HMGCS1: variants seen among roughly 807,000 people sequenced by gnomAD.
HMGCS1 encodes the protein 3-hydroxy-3-methylglutaryl-CoA synthase 1.
In HMGCS1, 9 loss-of-function variants were observed where a neutral mutation model predicts 52.3. The observed-to-expected ratio is 0.17, with a 90% CI of 0.10 to 0.30. HMGCS1 has a LOEUF of 0.30. HMGCS1 is among the 10% of genes least tolerant of loss of function. The probability of loss-of-function intolerance (pLI) is 1.00; values close to 1 mark genes in which losing one functional copy is unlikely to be tolerated. For missense variants in HMGCS1, 320 were observed against 620.9 expected, an observed-to-expected ratio of 0.52 and a Z score of 5.15; for synonymous variants, 176 against 214.4, an observed-to-expected ratio of 0.82 and a Z score of 1.57.
At chr5:43,308,454 AT>A (rs1161260022) in intron 1 of HMGCS1, among the ~76,000 whole-genome samples, 1 of 152,154 alleles carries the variant, frequency 6.6e-6, no homozygotes, top group South Asian at 2.1e-4. Context: ...AAATAAAGGT[AT>A]TTTTTCTAGC....
chr5:43,301,407 T>C (rs1754310317), intron 2 of HMGCS1, among the ~76,000 whole-genome samples: 2 of 152,184 alleles, frequency 1.3e-5, no homozygotes, highest in South Asian at 2.1e-4. Flanking sequence ...ATGGTGATAT[T>C]AGTTGTCAGG....
chr5:43,302,354 T>G (rs1418924258), intron 2 of HMGCS1, among the ~76,000 whole-genome samples: 1 of 152,226 alleles, frequency 6.6e-6, no homozygotes, highest in Admixed American at 6.5e-5. Flanking sequence ...CAAAAACATT[T>G]AGTGCTTTCT....
intron 7 of HMGCS1, 67 bp downstream of exon 7, chr5:43,294,624 T>C: frequency 4.1e-6 from 5 of 1,212,956 alleles, no homozygotes; most frequent in Non-Finnish European, 5.8e-6. Context: ...TGACACTAGA[T>C]TTGGTCTTAG....
intron 8 of HMGCS1, 49 bp downstream of exon 8, chr5:43,294,007 G>T: frequency 8.1e-7 from 1 of 1,234,548 alleles, no homozygotes; most frequent in Non-Finnish European, 1.2e-6. Flanking sequence ...GAGCCACTGT[G>T]CCTGGACTCA....
intron 9 of HMGCS1, 21 bp downstream of exon 9, chr5:43,292,827 A>C (rs1453481133): frequency 2.5e-6 from 4 of 1,610,472 alleles, no homozygotes; most frequent in Admixed American, 1.7e-5. Context: ...GGTTAACTTA[A>C]AGAACATTTA....
intron 2 of HMGCS1, among the ~76,000 whole-genome samples, chr5:43,306,352 C>T (rs1465242462): frequency 6.6e-6 from 1 of 152,136 alleles, no homozygotes; most frequent in East Asian, 1.9e-4. Flanking sequence ...CAAGGGAAGT[C>T]CTAACCTAGC....
At chr5:43,311,349 T>C (rs914196331) in intron 1 of HMGCS1, among the ~76,000 whole-genome samples, 1 of 150,662 alleles carries the variant, frequency 6.6e-6, no homozygotes, top group Non-Finnish European at 1.5e-5. Flanking sequence ...AAAAATCTAG[T>C]CCTATCATTA....
At chr5:43,310,384 T>C (rs1436946968) in intron 1 of HMGCS1, among the ~76,000 whole-genome samples, 1 of 152,228 alleles carries the variant, frequency 6.6e-6, no homozygotes, top group African/African-American at 2.4e-5. Flanking sequence ...CAAGTCTACA[T>C]AGCCTACTCT....
At chr5:43,309,177 A>C (rs1008700883) in intron 1 of HMGCS1, among the ~76,000 whole-genome samples, 1 of 151,954 alleles carries the variant, frequency 6.6e-6, no homozygotes, top group Non-Finnish European at 1.5e-5. Context: ...ACTTGTATCA[A>C]GGAAATTTTC....
chr5:43,305,049 T>C (rs1478157055), intron 2 of HMGCS1, among the ~76,000 whole-genome samples: 1 of 151,742 alleles, frequency 6.6e-6, no homozygotes, highest in Non-Finnish European at 1.5e-5. Context: ...TGCAATGGTG[T>C]GATCTCGGCT....
intron 2 of HMGCS1, among the ~76,000 whole-genome samples, chr5:43,299,361 T>A (rs1229954977): frequency 6.6e-6 from 1 of 152,124 alleles, no homozygotes; most frequent in African/African-American, 2.4e-5. Context: ...AAAGTTTTAA[T>A]AAATTAGGCC....
chr5:43,312,424 C>G (rs1201116324), intron 1 of HMGCS1, among the ~76,000 whole-genome samples: 1 of 152,228 alleles, frequency 6.6e-6, no homozygotes, highest in Non-Finnish European at 1.5e-5. Flanking sequence ...CAAACAGGCA[C>G]AACCTCACAT....
intron 8 of HMGCS1, chr5:43,293,779 T>A (rs1179882326): frequency 3.8e-6 from 1 of 263,268 alleles, no homozygotes; most frequent in Non-Finnish European, 7.3e-6. Flanking sequence ...AGTGGTGTGA[T>A]CTTGGCTCAC....
rs1753640497 is a variant in HMGCS1 at position 43,289,515 on chromosome 5, A to C, written c.*1616T>G. 1 of 152,556 alleles carries C rather than the reference A, an allele frequency of 6.6e-6. No individual in the cohort carries two copies. Among genetic ancestry groups the C allele is most frequent in the South Asian group, 2.1e-4 (1 of 4,816 alleles). 9.5% of individuals were successfully genotyped at this position (152,556 alleles called of 1,614,324 possible). A position where few individuals can be genotyped will look rare whatever the true frequency, so the allele number is the denominator to read the frequency against. On this transcript the variant is annotated 3_prime_UTR_variant, in exon 11 of 11. Coordinates refer to ENST00000325110, the MANE Select transcript of HMGCS1 (RefSeq NM_001098272.3). ...CATTGCCGGCAATGGACTTTGAGAAAACCCATTTCCTGGCACCCAAAAGTT... is the reference window on the plus strand; with the variant it reads ...CATTGCCGGCAATGGACTTTGAGAACACCCATTTCCTGGCACCCAAAAGTT...
intron 1 of HMGCS1, among the ~76,000 whole-genome samples, chr5:43,311,060 C>T (rs1421252282): frequency 6.6e-6 from 1 of 152,192 alleles, no homozygotes; most frequent in Non-Finnish European, 1.5e-5. Flanking sequence ...CATGGTGGCT[C>T]ACGCCTGTAA....
At chr5:43,302,573 C>T (rs995626254) in intron 2 of HMGCS1, among the ~76,000 whole-genome samples, 5 of 152,146 alleles carry the variant, frequency 3.3e-5, no homozygotes, top group Non-Finnish European at 7.4e-5. Context: ...AGACAGAAGC[C>T]AATTATGATG....
Position 43,298,816 on chromosome 5 carries a change from G to A in HMGCS1, c.150C>T (p.Gly50=). The change falls in exon 3 of 11, where the codon GGC becomes GGT. Residue 50 remains glycine, a synonymous_variant. Coordinates refer to ENST00000325110, the MANE Select transcript of HMGCS1 (RefSeq NM_001098272.3). This position sits in a 1 kb window ranked among gnomAD's most constrained non-coding sequence, Gnocchi z 5.6. ...DGVDAGKYTI[G]LGQAKMGFCT... The stretch of plus-strand genomic sequence containing the variant: ...AGAAGCCCATCTTGGCCTGGCCCAA[G>A]CCAATGGTATACTTTCCAGCATCTA... 6.2e-7 allele frequency: 1 copy of A among 1,613,424 alleles called. No homozygotes were observed. Among genetic ancestry groups the A allele is most frequent in the Non-Finnish European group, 8.5e-7 (1 of 1,179,794 alleles).
chr5:43,295,324 T>C (rs1200631960), intron 6 of HMGCS1, among the ~76,000 whole-genome samples: 2 of 151,930 alleles, frequency 1.3e-5, no homozygotes, highest in Non-Finnish European at 2.9e-5. Flanking sequence ...ACAGAACGAG[T>C]TGAACACACA....
rs901441762 is a variant in HMGCS1, at chr5:43,289,352, C to T, written c.*1779G>A. ...AAATAGAATATTAGCTGATTTCTTG[C>T]CGAAGTTGTTAGTTCAAGAGTGAAA... On this transcript the variant is annotated 3_prime_UTR_variant, in exon 11 of 11. Transcript: ENST00000325110. 4 of 152,536 alleles carry T rather than the reference C, an allele frequency of 2.6e-5. No individual in the cohort carries two copies. The highest frequency in any genetic ancestry group is 2.6e-4 in the Admixed American group (4 of 15,264). The allele number at this position is 152,536 out of a possible 1,614,324, so 9.4% of individuals were successfully genotyped here.
Sources: allele counts gnomAD v4.1 joint callset (sites outside exome capture counted in the v4.1 genomes callset), GRCh38; gene constraint gnomAD v4.1.1; non-coding constraint Gnocchi (gnomAD v3.1); transcripts MANE v1.5; gene names NCBI Gene and HGNC (gene_info 2026-07-23, HGNC 2026-07-21).